IGSF9B: variants seen among roughly 807,000 people sequenced by gnomAD.
IGSF9B encodes protein turtle homolog B.
IGSF9B carries 48 observed loss-of-function variants against 143.7 expected under a neutral mutation model. The observed-to-expected ratio is 0.33, with a 90% confidence interval of 0.26 to 0.42. IGSF9B has a LOEUF of 0.42. Ranked by LOEUF, IGSF9B falls within the 20% of genes least tolerant of loss-of-function variation. The pLI, the probability that IGSF9B is intolerant of heterozygous loss-of-function variation, is 1.00. For missense variants in IGSF9B, 1,706 were observed against 1,980.0 expected (o/e 0.86, Z 2.63); for synonymous variants, 903 against 833.1 (o/e 1.08, Z -1.44).
chr11:133,919,096 C>G, intron 18 of IGSF9B: 1 of 345,826 alleles, frequency 2.9e-6, no homozygotes, highest in South Asian at 1.9e-5. Flanking sequence ...GTCTGTCTCT[C>G]TGCAGCTTCC....
rs567279589 is a variant in IGSF9B at position 133,903,751 on chromosome 11, G to A, written c.*5318C>T. On this transcript the variant is annotated 3_prime_UTR_variant, in exon 20 of 20. Coordinates refer to ENST00000533871, the MANE Select transcript of IGSF9B (RefSeq NM_001277285.4). The stretch of plus-strand genomic sequence containing the variant: ...GGGGTTATTATACTTGCTCCTGAAA[G>A]AAGGTTTTGAGAGTACAGACAGGAA... 5.6e-4 allele frequency among the ~76,000 whole-genome samples: 86 copies of A among 152,300 alleles called. No homozygotes were observed. Among genetic ancestry groups the A allele is most frequent in the African/African-American group, 2.0e-3 (84 of 41,564 alleles).
intron 3 of IGSF9B, among the ~76,000 whole-genome samples, chr11:133,942,343 C>T (rs956794216): frequency 6.6e-6 from 1 of 152,210 alleles, no homozygotes; most frequent in Non-Finnish European, 1.5e-5. Context: ...CAGAGCCACA[C>T]AGCTAGTACA....
In IGSF9B at chr11:133,903,278, C is replaced by A. The variant is rs1206331716; in HGVS notation, c.*5791G>T. On this transcript the variant is annotated 3_prime_UTR_variant, in exon 20 of 20. Transcript: ENST00000533871. ...GCAGGCCCAGGCAGCCATTCACGTCCCCATCTAGTGTGATGGGAATGGTGA... is the reference window on the plus strand; with the variant it reads ...GCAGGCCCAGGCAGCCATTCACGTCACCATCTAGTGTGATGGGAATGGTGA... Among the ~76,000 whole-genome samples the A allele has an allele frequency of 6.6e-6, 1 of 152,028 alleles. No homozygotes were observed. Among genetic ancestry groups the A allele is most frequent in the East Asian group, 1.9e-4 (1 of 5,178 alleles).
Position 133,909,299 on chromosome 11 carries a change from C to A in IGSF9B, c.4106-22G>T. ...TCGTCTAGGAAGAAAGGAAGAGGGACGCAAAAGAGAAGCAAGCGGATGAAA... is the reference window on the plus strand; with the variant it reads ...TCGTCTAGGAAGAAAGGAAGAGGGAAGCAAAAGAGAAGCAAGCGGATGAAA... On this transcript the variant is annotated intron_variant, in intron 19 of 19. Transcript: ENST00000533871. The surrounding 1 kb of genome is among the most constrained non-coding windows in gnomAD (Gnocchi z 4.2). 6.6e-7 allele frequency: 1 copy of A among 1,521,184 alleles called. No homozygotes were observed. Among genetic ancestry groups the A allele is most frequent in the Non-Finnish European group, 8.8e-7 (1 of 1,133,646 alleles). 94.2% of individuals were successfully genotyped at this position (1,521,184 alleles called of 1,614,324 possible).
intron 3 of IGSF9B, among the ~76,000 whole-genome samples, chr11:133,939,491 A>C (rs2121325593): frequency 6.6e-6 from 1 of 152,388 alleles, no homozygotes; most frequent in Middle Eastern, 3.4e-3. Flanking sequence ...TGGATGTAGT[A>C]GCCAAGGGCT....
intron 18 of IGSF9B, 42 bp from the exon 19 acceptor site, chr11:133,912,049 G>A (rs766211953): frequency 2.7e-6 from 4 of 1,492,710 alleles, no homozygotes; most frequent in Non-Finnish European, 3.5e-6. Context: ...GCTCCCGGAT[G>A]TGTGAGGCTT....
chr11:133,936,250 C>T (rs1354483929), intron 5 of IGSF9B, 56 bp from the exon 6 acceptor site: 2 of 1,553,208 alleles, frequency 1.3e-6, no homozygotes, highest in African/African-American at 2.7e-5. Context: ...GCAGCAGCAC[C>T]CAGGCCTCCT....
intron 1 of IGSF9B, among the ~76,000 whole-genome samples, chr11:133,947,011 C>T (rs1010881536): frequency 6.6e-6 from 1 of 152,200 alleles, no homozygotes; most frequent in African/African-American, 2.4e-5. Flanking sequence ...AGGATGCTGG[C>T]GACAGAGGAG....
chr11:133,924,708 T>A (rs1939594782), intron 15 of IGSF9B, 112 bp downstream of exon 15: 2 of 886,622 alleles, frequency 2.3e-6, no homozygotes, highest in Non-Finnish European at 3.6e-6. Context: ...AGGCACTGCC[T>A]TAGTTTCCAA....
intron 12 of IGSF9B, among the ~76,000 whole-genome samples, 187 bp from the exon 13 acceptor site, chr11:133,927,278 G>A (rs1169395572): frequency 6.6e-6 from 1 of 152,256 alleles, no homozygotes; most frequent in Non-Finnish European, 1.5e-5. Context: ...CAATCCTCCT[G>A]ATGCTGGGTC....
intron 18 of IGSF9B, among the ~76,000 whole-genome samples, chr11:133,919,510 G>C (rs1306261550): frequency 6.6e-6 from 1 of 152,196 alleles, no homozygotes; most frequent in African/African-American, 2.4e-5. Flanking sequence ...GGGCTTGCCG[G>C]AGAAGACGCC....
chr11:133,951,158 C>T (rs1565452700), intron 1 of IGSF9B, among the ~76,000 whole-genome samples: 1 of 152,298 alleles, frequency 6.6e-6, no homozygotes, highest in Non-Finnish European at 1.5e-5. Flanking sequence ...ACAGCGAACA[C>T]CCAGAAAGGA....
At chr11:133,914,566 G>A (rs1242068721) in intron 18 of IGSF9B, among the ~76,000 whole-genome samples, 3 of 152,094 alleles carry the variant, frequency 2.0e-5, no homozygotes, top group East Asian at 3.9e-4. Context: ...AGAAGCAGCC[G>A]ATTTTCCCTT....
rs1939022259 is a variant in IGSF9B at position 133,896,650 on chromosome 11, T to G, written c.*12419A>C. On this transcript the variant is annotated 3_prime_UTR_variant, in exon 20 of 20. Transcript: ENST00000533871. ...CGTGTTTGCTCATTTTGATTTGTAATTCAGGATATGAACATGCAGTGTTAC... is the reference window on the plus strand; with the variant it reads ...CGTGTTTGCTCATTTTGATTTGTAAGTCAGGATATGAACATGCAGTGTTAC... 1 of 152,216 alleles carries G rather than the reference T, an allele frequency of 6.6e-6. No homozygotes were observed. The highest frequency in any genetic ancestry group is 1.5e-5 in the Non-Finnish European group (1 of 68,028). 9.4% of individuals were successfully genotyped at this position (152,216 alleles called of 1,614,324 possible).
At position 133,928,271 on chromosome 11, in the gene IGSF9B, G is replaced by A. The variant is rs1463073740; in HGVS notation, c.1632-1180C>T. Among the ~76,000 whole-genome samples, 3 of 152,174 alleles carry A rather than the reference G, an allele frequency of 2.0e-5. No homozygotes were observed. The highest frequency in any genetic ancestry group is 4.4e-5 in the Non-Finnish European group (3 of 68,044). On this transcript the variant is annotated intron_variant, in intron 12 of 19. Coordinates refer to ENST00000533871, the MANE Select transcript of IGSF9B (RefSeq NM_001277285.4). The surrounding 1 kb of genome is among the most constrained non-coding windows in gnomAD (Gnocchi z 4.7). The stretch of plus-strand genomic sequence containing the variant: ...CGGTCTCCCAGCAGCCACCGGGCAG[G>A]CTGGTTAGGGCCCCCACGCTGCTGC...
chr11:133,935,143 C>T (rs753224099), intron 7 of IGSF9B, among the ~76,000 whole-genome samples: 1 of 152,190 alleles, frequency 6.6e-6, no homozygotes, highest in Non-Finnish European at 1.5e-5. Flanking sequence ...AGGGAGCAGG[C>T]GCAGGAGCTG....
Position 133,919,937 on chromosome 11 carries a change from C to T in IGSF9B, c.3788G>A (p.Arg1263His). The T allele has an allele frequency of 1.3e-6, 2 of 1,556,094 alleles. No homozygotes were observed. Among genetic ancestry groups the T allele is most frequent in the Non-Finnish European group, 1.7e-6 (2 of 1,150,184 alleles). The change falls in exon 18 of 20, where the codon CGC becomes CAC. Residue 1263 changes from arginine (R) to histidine (H), a missense_variant. Physicochemically the swap from Arg to His is conservative, Grantham distance 29 (BLOSUM62 0). This residue lies in a region of IGSF9B where 880 missense variants were observed against 762.9 expected (regional missense o/e 1.15). Coordinates refer to ENST00000533871, the MANE Select transcript of IGSF9B (RefSeq NM_001277285.4). Reference sequence around the variant, plus strand: ...GGGCCGGTAGCTGGGACTCCCACTGCGGCTGCTCTGGGAGGGGGAGCCTGT... The same window carrying T: ...GGGCCGGTAGCTGGGACTCCCACTGTGGCTGCTCTGGGAGGGGGAGCCTGT... ...PSTGSPSQSSRSGSPSYRPAM... is the reference protein window; with the variant it reads ...PSTGSPSQSSHSGSPSYRPAM...
chr11:133,931,870 G>C lies in IGSF9B; in HGVS notation c.1111-75C>G. 1 of 1,577,294 alleles carries C rather than the reference G, an allele frequency of 6.3e-7. No homozygotes were observed. Among genetic ancestry groups the C allele is most frequent in the Non-Finnish European group, 8.6e-7 (1 of 1,164,668 alleles). Reference sequence around the variant, plus strand: ...CTCCATCCCAGGCTGGGTCCCAGCTGGGCCAGGCAGCACGCAGGATAGTAC... The same window carrying C: ...CTCCATCCCAGGCTGGGTCCCAGCTCGGCCAGGCAGCACGCAGGATAGTAC... On this transcript the variant is annotated intron_variant, in intron 8 of 19. Transcript: ENST00000533871. The surrounding 1 kb of genome is among the most constrained non-coding windows in gnomAD (Gnocchi z 7.7).
At chr11:133,932,466 G>A (rs1939753303) in intron 7 of IGSF9B, among the ~76,000 whole-genome samples, 1 of 142,504 alleles carries the variant, frequency 7.0e-6, no homozygotes. Context: ...GGGACAGACA[G>A]ACAGACACAG....
Sources: allele counts gnomAD v4.1 joint callset (sites outside exome capture counted in the v4.1 genomes callset), GRCh38; gene constraint gnomAD v4.1.1; regional missense constraint gnomAD v4.1.1; non-coding constraint Gnocchi (gnomAD v3.1); transcripts MANE v1.5; gene names NCBI Gene and HGNC (gene_info 2026-07-23, HGNC 2026-07-21).